PPP2R2B: variants seen among roughly 807,000 people sequenced by gnomAD.
The protein encoded by PPP2R2B is protein phosphatase 2 regulatory subunit Bbeta.
A neutral mutation model predicts 46.0 loss-of-function variants in PPP2R2B; 5 were observed. The ratio of observed to expected loss-of-function variants is 0.11; its 90% CI spans 0.06 to 0.23. PPP2R2B has a LOEUF of 0.23. Among genes scored for constraint, PPP2R2B ranks in the 10% least tolerant of loss-of-function variants. The pLI is 1.00. For synonymous variants in PPP2R2B, 215 were observed against 206.7 expected (o/e 1.04, Z -0.34); for missense variants, 367 against 575.0 (o/e 0.64, Z 3.70).
intron 1 of PPP2R2B, among the ~76,000 whole-genome samples, chr5:146,965,136 CAGTT>C (rs771511513): frequency 6.6e-6 from 1 of 152,222 alleles, no homozygotes; most frequent in South Asian, 2.1e-4. Context: ...CACAGTCACT[CAGTT>C]AGTTTGATGG....
chr5:146,999,059 G>A (rs916015922), intron 1 of PPP2R2B, among the ~76,000 whole-genome samples: 4 of 145,816 alleles, frequency 2.7e-5, no homozygotes, highest in Non-Finnish European at 6.0e-5. Context: ...CTGGTTTTGA[G>A]ATCTTTCCTG....
intron 2 of PPP2R2B, among the ~76,000 whole-genome samples, chr5:146,746,530 A>G (rs1275137250): frequency 6.6e-6 from 1 of 152,200 alleles, no homozygotes; most frequent in Non-Finnish European, 1.5e-5. Context: ...TTTAGCTCTC[A>G]AAGTATTTAT....
chr5:146,881,039 T>C (rs1018662453), upstream of PPP2R2B, among the ~76,000 whole-genome samples: 1 of 149,284 alleles, frequency 6.7e-6, no homozygotes, highest in Non-Finnish European at 1.5e-5. Flanking sequence ...AAGAGCCCTG[T>C]GCACCACTGT....
intron 9 of PPP2R2B, chr5:146,592,286 CT>C: frequency 4.1e-6 from 1 of 241,264 alleles, no homozygotes; most frequent in Non-Finnish European, 8.4e-6. Flanking sequence ...TCACTGAAAG[CT>C]TGAATCTCTG....
chr5:146,959,263 C>A (rs1433671817), intron 1 of PPP2R2B, among the ~76,000 whole-genome samples: 1 of 152,092 alleles, frequency 6.6e-6, no homozygotes, highest in African/African-American at 2.4e-5. Flanking sequence ...TTAATGTTTT[C>A]ATTCAATTGT....
chr5:146,706,775 A>T (rs979207503), intron 2 of PPP2R2B: 1 of 812,660 alleles, frequency 1.2e-6, no homozygotes, highest in Non-Finnish European at 2.2e-6. Flanking sequence ...GATCTGATAC[A>T]TGCTCTCGGC....
At position 146,764,957 on chromosome 5, in the gene PPP2R2B, T is replaced by A. The variant is rs551312852; in HGVS notation, c.71-63815A>T. 8.5e-5 allele frequency among the ~76,000 whole-genome samples: 13 copies of A among 152,296 alleles called. No homozygotes were observed. The South Asian group carries it at 2.7e-3, about 32-fold the overall frequency. ...TGTCATTGCAGTACAATTAAGAATTTAATTATCCTCAGGTATAAAAAGAGT... is the reference window on the plus strand; with the variant it reads ...TGTCATTGCAGTACAATTAAGAATTAAATTATCCTCAGGTATAAAAAGAGT... On this transcript the variant is annotated intron_variant, in intron 2 of 9. Coordinates refer to ENST00000394411, the MANE Select transcript of PPP2R2B (RefSeq NM_181675.4).
chr5:146,914,683 G>A (rs947561712), intron 1 of PPP2R2B, among the ~76,000 whole-genome samples: 4 of 152,124 alleles, frequency 2.6e-5, no homozygotes, highest in African/African-American at 9.7e-5. Flanking sequence ...GAGTAGATGG[G>A]GACACTGGCA....
intron 8 of PPP2R2B, among the ~76,000 whole-genome samples, chr5:146,598,823 T>C (rs1225266061): frequency 2.0e-5 from 3 of 152,266 alleles, no homozygotes; most frequent in South Asian, 2.1e-4. Context: ...CTCCTGTCTC[T>C]TCCAATGTCC....
At chr5:146,704,499 G>T (rs556756962) in intron 2 of PPP2R2B, among the ~76,000 whole-genome samples, 36 of 152,268 alleles carry the variant, frequency 2.4e-4, no homozygotes, top group African/African-American at 7.9e-4. Flanking sequence ...CTACAAACTT[G>T]AGCATTTTTC....
intron 2 of PPP2R2B, among the ~76,000 whole-genome samples, chr5:146,787,467 T>A (rs1186804716): frequency 2.0e-5 from 3 of 152,140 alleles, no homozygotes; most frequent in Admixed American, 1.3e-4. Flanking sequence ...AGAGTTCAGA[T>A]CTTGGGCCAC....
intron 1 of PPP2R2B, among the ~76,000 whole-genome samples, chr5:146,924,387 G>A (rs1261854839): frequency 6.6e-6 from 1 of 152,142 alleles, no homozygotes; most frequent in Non-Finnish European, 1.5e-5. Flanking sequence ...AAGTATAATG[G>A]TAGCTGCCTG....
chr5:146,685,246 C>T (rs1308667988), intron 5 of PPP2R2B, among the ~76,000 whole-genome samples: 2 of 152,206 alleles, frequency 1.3e-5, no homozygotes, highest in Non-Finnish European at 2.9e-5. Flanking sequence ...GAGCTCTGGA[C>T]TCCATTCTTG....
chr5:146,943,693 G>C (rs1466142678), intron 1 of PPP2R2B, among the ~76,000 whole-genome samples: 3 of 151,568 alleles, frequency 2.0e-5, no homozygotes, highest in Non-Finnish European at 4.4e-5. Context: ...TTTTATAGCA[G>C]AAAGGCATAA....
intron 2 of PPP2R2B, among the ~76,000 whole-genome samples, chr5:146,853,576 T>A (rs183627247): frequency 6.6e-6 from 1 of 152,226 alleles, no homozygotes; most frequent in Non-Finnish European, 1.5e-5. Context: ...CAAAAGGTGA[T>A]TTCAAAACCC....
intron 2 of PPP2R2B, among the ~76,000 whole-genome samples, chr5:146,796,761 T>TA (rs1307297095): frequency 6.6e-6 from 1 of 152,132 alleles, no homozygotes; most frequent in African/African-American, 2.4e-5. Flanking sequence ...CAAAAACCAT[T>TA]ATTTGTTTTG....
chr5:146,847,885 C>T (rs777578846), intron 2 of PPP2R2B, among the ~76,000 whole-genome samples: 3 of 152,198 alleles, frequency 2.0e-5, no homozygotes, highest in Non-Finnish European at 4.4e-5. Context: ...GCAGGGGATA[C>T]GAGCTCCTGC....
In PPP2R2B at chr5:147,066,288, C is replaced by T. The variant is rs73310627; in HGVS notation, c.50+14771G>A. 6.2e-3 allele frequency among the ~76,000 whole-genome samples: 944 copies of T among 152,242 alleles called. 8 individuals carry two copies. The highest frequency in any genetic ancestry group is 0.022 in the African/African-American group (901 of 41,536). On this transcript the variant is annotated intron_variant, in intron 2 of 10. Transcript: ENST00000394413. ...AAGTTAGTGCTAACATTAATAATGA[C>T]AGAGCAAGCATTTATTGAATGCTGA... is the stretch of plus-strand genomic sequence containing the variant.
chr5:146,684,937 A>G (rs1778396223), intron 5 of PPP2R2B, among the ~76,000 whole-genome samples: 1 of 152,180 alleles, frequency 6.6e-6, no homozygotes, highest in South Asian at 2.1e-4. Context: ...GGTGACCATG[A>G]GGCACACAGT....
Sources: gnomAD v4.1 joint callset for allele counts (sites outside exome capture counted in the v4.1 genomes callset) on GRCh38, gnomAD v4.1.1 for gene constraint, MANE v1.5 for transcripts, NCBI Gene and HGNC (gene_info 2026-07-23, HGNC 2026-07-21) for gene names.